The following CAMKMT variants were observed in gnomAD, a reference collection of about 807,000 sequenced individuals.
CAMKMT encodes CaM KMT.
In CAMKMT, 53 loss-of-function variants were observed where a neutral mutation model predicts 48.0. The observed-to-expected ratio is 1.10, with a 90% CI of 0.89 to 1.39. CAMKMT has a LOEUF of 1.39. CAMKMT is among the 40% of genes most tolerant of loss of function. The pLI, the probability that CAMKMT is intolerant of heterozygous loss-of-function variation, is 0.00. For synonymous variants in CAMKMT, 165 were observed against 152.3 expected, an observed-to-expected ratio of 1.08 and a Z score of -0.61; for missense variants, 428 against 402.7, an observed-to-expected ratio of 1.06 and a Z score of -0.54.
intron 3 of CAMKMT, among the ~76,000 whole-genome samples, chr2:44,513,734 G>C (rs1670685678): frequency 6.6e-6 from 1 of 152,142 alleles, no homozygotes; most frequent in Non-Finnish European, 1.5e-5. Flanking sequence ...TATTCTGACA[G>C]TGCAGAGCAG....
chr2:44,432,738 CTCTT>C (rs1384192944), intron 3 of CAMKMT, among the ~76,000 whole-genome samples: 7 of 151,860 alleles, frequency 4.6e-5, no homozygotes, highest in Non-Finnish European at 1.0e-4. Context: ...AACATGTTAA[CTCTT>C]TCTTTGTAAT....
chr2:44,714,843 T>A (rs1276326883), intron 6 of CAMKMT, among the ~76,000 whole-genome samples: 1 of 152,170 alleles, frequency 6.6e-6, no homozygotes, highest in African/African-American at 2.4e-5. Flanking sequence ...CAAGTCAGCA[T>A]CCTGCTTCAC....
intron 3 of CAMKMT, among the ~76,000 whole-genome samples, chr2:44,588,905 C>A (rs1377672705): frequency 9.8e-5 from 1 of 10,158 alleles, no homozygotes; most frequent in African/African-American, 4.7e-4. Flanking sequence ...CCATCCGCCC[C>A]GTCCGGGAGG....
intron 3 of CAMKMT, among the ~76,000 whole-genome samples, chr2:44,517,008 C>G (rs1670864863): frequency 6.6e-6 from 1 of 152,110 alleles, no homozygotes. Flanking sequence ...TCCCAAAGTG[C>G]TGGGATTACA....
chr2:44,723,557 C>T (rs1678598902), intron 7 of CAMKMT, among the ~76,000 whole-genome samples: 1 of 151,342 alleles, frequency 6.6e-6, no homozygotes, highest in Admixed American at 6.6e-5. Context: ...CACCACTGCA[C>T]TCCAGCCCAG....
At chr2:44,708,189 G>A (rs2104282414) in intron 6 of CAMKMT, among the ~76,000 whole-genome samples, 1 of 138,090 alleles carries the variant, frequency 7.2e-6, no homozygotes, top group Admixed American at 7.3e-5. Context: ...GAGAGGAAAA[G>A]TGGCAGATAT....
At chr2:44,595,311 C>G (rs1430314092) in intron 3 of CAMKMT, among the ~76,000 whole-genome samples, 1 of 152,068 alleles carries the variant, frequency 6.6e-6, no homozygotes, top group Non-Finnish European at 1.5e-5. Flanking sequence ...GGTATATACC[C>G]AAAGGATTAT....
Position 44,484,247 on chromosome 2 carries a change from A to C in CAMKMT, c.376+93942A>C, listed in dbSNP as rs374044687. On this transcript the variant is annotated intron_variant, in intron 3 of 10. Transcript: ENST00000378494. ...AAACGATTTTAACGTTTATATGAAAATGTAAAGAACCAATAATAGTCAAAA... is the reference window on the plus strand; with the variant it reads ...AAACGATTTTAACGTTTATATGAAACTGTAAAGAACCAATAATAGTCAAAA... Among the ~76,000 whole-genome samples, 11 of 152,018 alleles carry C rather than the reference A, an allele frequency of 7.2e-5. No individual in the cohort carries two copies. The East Asian group carries it at 1.9e-3, about 27-fold the overall frequency.
At chr2:44,696,190 G>A (rs772495200) in intron 3 of CAMKMT, among the ~76,000 whole-genome samples, 2 of 152,216 alleles carry the variant, frequency 1.3e-5, no homozygotes, top group Non-Finnish European at 2.9e-5. Context: ...TGATCTGCCC[G>A]CCTCAGCCTC....
chr2:44,427,108 T>C (rs1010630939), intron 3 of CAMKMT, among the ~76,000 whole-genome samples: 1 of 152,186 alleles, frequency 6.6e-6, no homozygotes, highest in African/African-American at 2.4e-5. Flanking sequence ...TGGTTAACCA[T>C]ATGCAGAAGA....
chr2:44,578,176 C>A (rs1669341017), intron 3 of CAMKMT, among the ~76,000 whole-genome samples: 1 of 152,090 alleles, frequency 6.6e-6, no homozygotes, highest in Non-Finnish European at 1.5e-5. Flanking sequence ...TATATAAATT[C>A]AGCATAGGAA....
intron 3 of CAMKMT, among the ~76,000 whole-genome samples, chr2:44,418,009 TG>T (rs1408268398): frequency 6.6e-6 from 1 of 152,052 alleles, no homozygotes; most frequent in African/African-American, 2.4e-5. Flanking sequence ...CTGACCAACA[TG>T]GCGAAACCCC....
chr2:44,486,793 A>G (rs561322375), intron 3 of CAMKMT, among the ~76,000 whole-genome samples: 1 of 152,350 alleles, frequency 6.6e-6, no homozygotes, highest in African/African-American at 2.4e-5. Flanking sequence ...ACCCCCCAAG[A>G]AACCGTAAGC....
chr2:44,482,997 A>G (rs1253013009), intron 3 of CAMKMT, among the ~76,000 whole-genome samples: 1 of 152,162 alleles, frequency 6.6e-6, no homozygotes, highest in African/African-American at 2.4e-5. Context: ...AAGAATCATG[A>G]TGCCAATGCT....
intron 2 of CAMKMT, among the ~76,000 whole-genome samples, chr2:44,382,936 TG>T (rs1056805840): frequency 3.9e-5 from 6 of 152,172 alleles, no homozygotes; most frequent in Non-Finnish European, 8.8e-5. Flanking sequence ...CACCACATAC[TG>T]GGGGGCTTAA....
At chr2:44,643,796 G>T (rs1317645455) in intron 3 of CAMKMT, among the ~76,000 whole-genome samples, 2 of 152,080 alleles carry the variant, frequency 1.3e-5, no homozygotes, top group Non-Finnish European at 2.9e-5. Context: ...TCTTTTCCCT[G>T]TGAGCCTGGA....
At chr2:44,608,097 G>T (rs1216742524) in intron 3 of CAMKMT, among the ~76,000 whole-genome samples, 1 of 139,724 alleles carries the variant, frequency 7.2e-6, no homozygotes, top group Admixed American at 7.4e-5. Flanking sequence ...TTTTGAGACG[G>T]AGTCTTGCTC....
chr2:44,738,606 C>T (rs1679492322), intron 7 of CAMKMT, among the ~76,000 whole-genome samples: 1 of 152,244 alleles, frequency 6.6e-6, no homozygotes, highest in South Asian at 2.1e-4. Flanking sequence ...GTGCTAGGGA[C>T]TATTCTAGAC....
At chr2:44,440,634 A>G (rs1666594111) in intron 3 of CAMKMT, among the ~76,000 whole-genome samples, 2 of 152,158 alleles carry the variant, frequency 1.3e-5, no homozygotes, top group African/African-American at 4.8e-5. Flanking sequence ...ATTTCAATGC[A>G]CATTTCAAGG....
Sources: allele counts gnomAD v4.1 joint callset (sites outside exome capture counted in the v4.1 genomes callset), GRCh38; gene constraint gnomAD v4.1.1; transcripts MANE v1.5; gene names NCBI Gene and HGNC (gene_info 2026-07-23, HGNC 2026-07-21).